Variants in ZFPM2 observed in about 807,000 individuals in gnomAD.
The protein encoded by ZFPM2 is zinc finger protein ZFPM2.
A neutral mutation model predicts 98.6 loss-of-function variants in ZFPM2; 20 were observed. The ratio of observed to expected loss-of-function variants is 0.20; its 90% CI spans 0.14 to 0.29. ZFPM2 has a LOEUF of 0.29. Ranked by LOEUF, ZFPM2 falls within the 10% of genes least tolerant of loss-of-function variation. The pLI, the probability that ZFPM2 is intolerant of heterozygous loss-of-function variation, is 1.00. For missense variants in ZFPM2, 1,310 were observed against 1,388.6 expected (o/e 0.94, Z 0.90); for synonymous variants, 518 against 502.7 (o/e 1.03, Z -0.41).
At chr8:105,531,044 T>C (rs1814287465) in intron 3 of ZFPM2, among the ~76,000 whole-genome samples, 3 of 152,164 alleles carry the variant, frequency 2.0e-5, no homozygotes, top group Admixed American at 6.6e-5. Context: ...AGAATCCAGC[T>C]CTCACAGTGG....
At chr8:105,433,217 A>C (rs1437345967) in intron 2 of ZFPM2, among the ~76,000 whole-genome samples, 1 of 152,230 alleles carries the variant, frequency 6.6e-6, no homozygotes, top group African/African-American at 2.4e-5. Flanking sequence ...ATACCGATGA[A>C]AAGTTGTCTT....
chr8:105,645,718 C>T (rs1347233092), intron 5 of ZFPM2, among the ~76,000 whole-genome samples: 1 of 151,894 alleles, frequency 6.6e-6, no homozygotes, highest in Non-Finnish European at 1.5e-5. Flanking sequence ...TTATGCTGAT[C>T]GAGGTGGTGA....
chr8:105,735,335 A>G (rs1812042969), intron 5 of ZFPM2, among the ~76,000 whole-genome samples: 1 of 151,504 alleles, frequency 6.6e-6, no homozygotes, highest in African/African-American at 2.4e-5. Flanking sequence ...AGAGGGTTCA[A>G]AAAAATTGTG....
chr8:105,531,774 A>G (rs542963096), intron 3 of ZFPM2, among the ~76,000 whole-genome samples: 1 of 152,322 alleles, frequency 6.6e-6, no homozygotes, highest in South Asian at 2.1e-4. Context: ...ATGCCTAGAG[A>G]AAAATATTTA....
intron 3 of ZFPM2, among the ~76,000 whole-genome samples, chr8:105,517,589 C>CCTGTAAT (rs1418347757): frequency 6.6e-6 from 1 of 151,874 alleles, no homozygotes; most frequent in Non-Finnish European, 1.5e-5. Flanking sequence ...ATGGTTCACG[C>CCTGTAAT]CTGTAATCCC....
intron 3 of ZFPM2, among the ~76,000 whole-genome samples, chr8:105,501,858 C>T (rs1813602316): frequency 2.0e-5 from 3 of 152,072 alleles, no homozygotes; most frequent in Non-Finnish European, 2.9e-5. Context: ...TATAAAGAAT[C>T]TCCTATATCT....
intron 1 of ZFPM2, among the ~76,000 whole-genome samples, chr8:105,412,959 A>G (rs568693375): frequency 6.6e-6 from 1 of 152,032 alleles, no homozygotes; most frequent in East Asian, 1.9e-4. Context: ...AGATAAAATT[A>G]GTAAAAACGT....
At chr8:105,785,357 T>C (rs935351029) in intron 5 of ZFPM2, 1 of 151,850 alleles carries the variant, frequency 6.6e-6, no homozygotes, top group African/African-American at 2.4e-5. Flanking sequence ...ACTTGGACTT[T>C]GCAGTTGGAC....
At chr8:105,398,532 T>C (rs1158799542) in intron 1 of ZFPM2, among the ~76,000 whole-genome samples, 2 of 152,040 alleles carry the variant, frequency 1.3e-5, no homozygotes, top group Non-Finnish European at 2.9e-5. Context: ...TCCAGGGATG[T>C]TGGGGATAGG....
At chr8:105,502,325 T>TA (rs1247320779) in intron 3 of ZFPM2, among the ~76,000 whole-genome samples, 1 of 152,024 alleles carries the variant, frequency 6.6e-6, no homozygotes, top group African/African-American at 2.4e-5. Flanking sequence ...GAATATCAAT[T>TA]AAAAAACAGA....
chr8:105,803,017 G>A lies in ZFPM2; in HGVS notation c.2935G>A (p.Asp979Asn), dbSNP rs201644250. 1.1e-4 allele frequency: 176 copies of A among 1,612,800 alleles called. No individual in the cohort carries two copies. The highest frequency in any genetic ancestry group is 1.4e-4 in the Non-Finnish European group (166 of 1,179,496). The change falls in exon 8 of 8, where the codon GAC (aspartate) becomes AAC (asparagine). Residue 979 changes from aspartate to asparagine, a missense_variant. Physicochemically the swap from Asp to Asn is conservative, Grantham distance 23. Transcript: ENST00000407775. ...AGCAATAAAGAAAGCAAAAGGAGCC[G>A]ACCAGCTTTCTCCATATTATGGAAT... ...PGAIKKAKGA[D>N]QLSPYYGIKP...
chr8:105,801,234 C>T lies in ZFPM2; in HGVS notation c.1152C>T (p.Leu384=). ...TQRELLQHQE[L]HVPSGKLPRE... ...GGGAGTTATTGCAGCACCAGGAGCT[C>T]CATGTCCCTAGCGGCAAACTTCCCA... The change falls in exon 8 of 8, where the codon CTC becomes CTT. Residue 384 remains leucine (L), a synonymous_variant. Coordinates refer to ENST00000407775, the MANE Select transcript of ZFPM2 (RefSeq NM_012082.4). 1.2e-6 allele frequency: 2 copies of T among 1,613,972 alleles called. No individual in the cohort carries two copies. Among genetic ancestry groups the T allele is most frequent in the South Asian group, 1.1e-5 (1 of 91,082 alleles).
At chr8:105,370,498 A>G (rs1445618636) in intron 1 of ZFPM2, among the ~76,000 whole-genome samples, 2 of 152,170 alleles carry the variant, frequency 1.3e-5, no homozygotes, top group South Asian at 2.1e-4. Flanking sequence ...GACTTTTTAG[A>G]TATTTTGTCC....
At chr8:105,756,836 T>A (rs2131064047) in intron 5 of ZFPM2, among the ~76,000 whole-genome samples, 1 of 152,186 alleles carries the variant, frequency 6.6e-6, no homozygotes, top group African/African-American at 2.4e-5. Flanking sequence ...CTCTGTTTGA[T>A]CAAGTGCTAA....
chr8:105,547,752 C>T (rs1250975451), intron 3 of ZFPM2, among the ~76,000 whole-genome samples: 1 of 151,990 alleles, frequency 6.6e-6, no homozygotes, highest in Non-Finnish European at 1.5e-5. Context: ...TAATTTCAAA[C>T]ATAATTTCTA....
At chr8:105,564,305 T>G (rs931664479) in intron 4 of ZFPM2, among the ~76,000 whole-genome samples, 10 of 152,042 alleles carry the variant, frequency 6.6e-5, no homozygotes, top group Non-Finnish European at 1.3e-4. Context: ...TCAGTTTTCT[T>G]CTTTTGTCTT....
intron 1 of ZFPM2, among the ~76,000 whole-genome samples, chr8:105,374,734 G>C (rs1810689985): frequency 6.6e-6 from 1 of 152,164 alleles, no homozygotes; most frequent in African/African-American, 2.4e-5. Flanking sequence ...TGGTTAAGTG[G>C]ACAAGCATAG....
intron 2 of ZFPM2, among the ~76,000 whole-genome samples, chr8:105,436,061 A>G (rs7017085): frequency 0.018 from 2,683 of 152,296 alleles, 83 homozygotes; most frequent in African/African-American, 0.059. Context: ...GCAGTAAGTT[A>G]TGGTAAAAAG....
At chr8:105,705,638 T>C (rs57081591) in intron 5 of ZFPM2, among the ~76,000 whole-genome samples, 26,472 of 152,136 alleles carry the variant, frequency 0.17, 2,494 homozygotes, top group South Asian at 0.3. Flanking sequence ...TGTGACCAAG[T>C]GAGCTACCTC....
Sources: allele counts gnomAD v4.1 joint callset (sites outside exome capture counted in the v4.1 genomes callset), GRCh38; gene constraint gnomAD v4.1.1; transcripts MANE v1.5; gene names NCBI Gene and HGNC (gene_info 2026-07-23, HGNC 2026-07-21).